The following AMOTL1 variants were observed in gnomAD, a reference collection of about 807,000 sequenced individuals.
The protein encoded by AMOTL1 is angiomotin-like protein 1.
AMOTL1 carries 45 observed loss-of-function variants against 102.9 expected under a neutral mutation model. The ratio of observed to expected loss-of-function variants is 0.44; its 90% CI spans 0.34 to 0.56. AMOTL1 has a LOEUF of 0.56. AMOTL1 is among the 20% of genes least tolerant of loss of function. The pLI, the probability that AMOTL1 is intolerant of heterozygous loss-of-function variation, is 0.01. For missense variants in AMOTL1, 1,114 were observed against 1,225.6 expected (o/e 0.91, Z 1.36); for synonymous variants, 481 against 484.7 (o/e 0.99, Z 0.10).
At chr11:94,860,504 T>C (rs1322889745) in intron 9 of AMOTL1, among the ~76,000 whole-genome samples, 1 of 152,220 alleles carries the variant, frequency 6.6e-6, no homozygotes, top group Non-Finnish European at 1.5e-5. Flanking sequence ...TAAAACATAC[T>C]GTTGTCAGAG....
At chr11:94,714,714 A>G (rs1177983286) in intron 1 of AMOTL1, among the ~76,000 whole-genome samples, 4 of 152,100 alleles carry the variant, frequency 2.6e-5, no homozygotes, top group Admixed American at 2.0e-4. Flanking sequence ...AATCTGTGGC[A>G]ATATCTCCTG....
intron 9 of AMOTL1, among the ~76,000 whole-genome samples, chr11:94,860,973 G>A (rs551012319): frequency 6.6e-6 from 1 of 152,358 alleles, no homozygotes; most frequent in East Asian, 1.9e-4. Flanking sequence ...GTTAGCACCA[G>A]GAATTGGAGA....
intron 6 of AMOTL1, among the ~76,000 whole-genome samples, chr11:94,836,240 G>A (rs1259394375): frequency 1.3e-5 from 2 of 152,166 alleles, no homozygotes; most frequent in Non-Finnish European, 2.9e-5. Context: ...GATGCTATGG[G>A]TTTCTATCAA....
intron 1 of AMOTL1, among the ~76,000 whole-genome samples, chr11:94,728,384 C>T (rs992648551): frequency 6.6e-6 from 1 of 152,082 alleles, no homozygotes; most frequent in Non-Finnish European, 1.5e-5. Context: ...TCCATGGTCC[C>T]TCTTGGCTCT....
chr11:94,812,316 C>T (rs1442331223), intron 3 of AMOTL1, among the ~76,000 whole-genome samples: 1 of 152,050 alleles, frequency 6.6e-6, no homozygotes, highest in Non-Finnish European at 1.5e-5. Flanking sequence ...TTGGTTTGGT[C>T]CAGAAGGGCA....
chr11:94,863,235 C>G (rs1400029749), intron 9 of AMOTL1, among the ~76,000 whole-genome samples: 2 of 150,078 alleles, frequency 1.3e-5, no homozygotes, highest in South Asian at 2.1e-4. Flanking sequence ...ATGTTGATAG[C>G]TGTCATTAAA....
chr11:94,849,069 T>C (rs1185426522), intron 6 of AMOTL1, among the ~76,000 whole-genome samples: 1 of 152,202 alleles, frequency 6.6e-6, no homozygotes, highest in Non-Finnish European at 1.5e-5. Context: ...CTAACTACTA[T>C]TGTTGCTGCT....
At chr11:94,829,208 A>C (rs927843677) in intron 4 of AMOTL1, among the ~76,000 whole-genome samples, 1 of 148,436 alleles carries the variant, frequency 6.7e-6, no homozygotes, top group Non-Finnish European at 1.5e-5. Context: ...GATTAGGTAC[A>C]TGTCCATTAA....
intron 1 of AMOTL1, among the ~76,000 whole-genome samples, chr11:94,777,602 A>G (rs1951043700): frequency 6.6e-6 from 1 of 152,230 alleles, no homozygotes; most frequent in Non-Finnish European, 1.5e-5. Flanking sequence ...TTTAGGAACA[A>G]AAAATGGGTT....
chr11:94,790,703 C>T (rs1388487317), intron 1 of AMOTL1, among the ~76,000 whole-genome samples: 5 of 152,056 alleles, frequency 3.3e-5, no homozygotes, highest in African/African-American at 9.7e-5. Context: ...AGTGGCATGC[C>T]GGCAGTGGAA....
In AMOTL1 at chr11:94,864,894, G is replaced by A. The variant is rs753414048; in HGVS notation, c.2261+34G>A. On this transcript the variant is annotated intron_variant, in intron 10 of 12. Transcript: ENST00000433060. Reference sequence around the variant, plus strand: ...CGACTATGTGTGACGTGTGGGGCCCGCTGCATTCACACTCCAGGCCTTCCA... The same window carrying A: ...CGACTATGTGTGACGTGTGGGGCCCACTGCATTCACACTCCAGGCCTTCCA... 31 of 1,599,388 alleles carry A rather than the reference G, an allele frequency of 1.9e-5. No individual in the cohort carries two copies. In the Middle Eastern group the frequency reaches 5.0e-4, roughly 26 times the overall value.
intron 6 of AMOTL1, among the ~76,000 whole-genome samples, chr11:94,843,403 C>T (rs940087818): frequency 1.3e-5 from 2 of 151,992 alleles, no homozygotes; most frequent in African/African-American, 4.8e-5. Flanking sequence ...AGAAGGGGCC[C>T]CTGAGTGTGG....
At chr11:94,772,572 GAGT>G (rs2135518682) in intron 1 of AMOTL1, among the ~76,000 whole-genome samples, 1 of 152,314 alleles carries the variant, frequency 6.6e-6, no homozygotes, top group South Asian at 2.1e-4. Flanking sequence ...TTTCATTGCT[GAGT>G]AGTATTCCAT....
chr11:94,770,928 G>T (rs936660878), intron 1 of AMOTL1, among the ~76,000 whole-genome samples: 3 of 152,174 alleles, frequency 2.0e-5, no homozygotes, highest in African/African-American at 7.2e-5. Context: ...CTAAGGAAAA[G>T]TGTGGACCCA....
At chr11:94,756,993 ATTT>A (rs57318412) in intron 3 of AMOTL1, among the ~76,000 whole-genome samples, 7 of 143,620 alleles carry the variant, frequency 4.9e-5, no homozygotes, top group African/African-American at 1.8e-4. Flanking sequence ...AACCTAGCCC[ATTT>A]TTTTTTTTCT....
In AMOTL1 at chr11:94,771,259, TG is replaced by T. The variant is rs10692853; in HGVS notation, c.49+2709del. On this transcript the variant is annotated intron_variant, in intron 1 of 12. Transcript: ENST00000433060. ...TATTTTCTTTTCTTTTTGGCGGGGT[TG>T]GGGGGGGGGTGCGGTGTGTGGCTAT... 3.1e-3 allele frequency among the ~76,000 whole-genome samples: 297 copies of T among 96,928 alleles called. 6 individuals carry two copies. Among genetic ancestry groups the T allele is most frequent in the African/African-American group, 9.9e-3 (275 of 27,856 alleles). 63.6% of individuals were successfully genotyped at this position (96,928 alleles called of 152,430 possible).
intron 1 of AMOTL1, among the ~76,000 whole-genome samples, chr11:94,777,278 A>G (rs1951040061): frequency 6.6e-6 from 1 of 152,204 alleles, no homozygotes; most frequent in African/African-American, 2.4e-5. Context: ...TTCCCGTGGT[A>G]TTGACTGGCC....
intron 1 of AMOTL1, among the ~76,000 whole-genome samples, chr11:94,787,091 A>G (rs1314287203): frequency 6.6e-6 from 1 of 152,100 alleles, no homozygotes; most frequent in African/African-American, 2.4e-5. Context: ...AATTTAATAC[A>G]TTATGATATC....
intron 3 of AMOTL1, among the ~76,000 whole-genome samples, chr11:94,742,942 A>T (rs975690341): frequency 4.6e-5 from 7 of 152,110 alleles, no homozygotes; most frequent in Admixed American, 4.6e-4. Context: ...CACCCTTATG[A>T]CCTAATCACT....
Sources: allele counts gnomAD v4.1 joint callset (sites outside exome capture counted in the v4.1 genomes callset), GRCh38; gene constraint gnomAD v4.1.1; transcripts MANE v1.5; gene names NCBI Gene and HGNC (gene_info 2026-07-23, HGNC 2026-07-21).